The following ST3GAL6 variants were observed in gnomAD, a reference collection of about 807,000 sequenced individuals.
ST3GAL6 encodes the protein type 2 lactosamine alpha-2,3-sialyltransferase.
Under a neutral mutation model 40.5 loss-of-function variants are expected in ST3GAL6, and 31 were observed. The observed-to-expected ratio is 0.77, with a 90% CI of 0.58 to 1.03. ST3GAL6 has a LOEUF of 1.03. Ranked by LOEUF, ST3GAL6 falls within the 50% of genes least tolerant of loss-of-function variation. The pLI is 0.00. For synonymous variants in ST3GAL6, 129 were observed against 136.9 expected, an observed-to-expected ratio of 0.94 and a Z score of 0.40; for missense variants, 357 against 393.2, an observed-to-expected ratio of 0.91 and a Z score of 0.78.
upstream of ST3GAL6, among the ~76,000 whole-genome samples, chr3:98,759,544 G>T (rs1055996199): frequency 6.6e-6 from 1 of 152,094 alleles, no homozygotes; most frequent in African/African-American, 2.4e-5. Flanking sequence ...AGGGGAACCC[G>T]TGTAAAATGT....
chr3:98,763,187 T>C, upstream of ST3GAL6: 4 of 1,200,688 alleles, frequency 3.3e-6, no homozygotes, highest in Non-Finnish European at 4.2e-6. Context: ...TAGACATTAA[T>C]GCATGGCTAG....
chr3:98,789,475 C>T (rs776812867), intron 8 of ST3GAL6, among the ~76,000 whole-genome samples: 15 of 152,068 alleles, frequency 9.9e-5, no homozygotes, highest in Non-Finnish European at 1.9e-4. Flanking sequence ...TATGATTATA[C>T]CATAGGTATT....
Position 98,768,542 on chromosome 3 carries a change from T to C in ST3GAL6, c.89+13T>C. 1 of 1,582,854 alleles carries C rather than the reference T, an allele frequency of 6.3e-7. No homozygotes were observed. Among genetic ancestry groups the C allele is most frequent in the Non-Finnish European group, 8.7e-7 (1 of 1,152,218 alleles). On this transcript the variant is annotated intron_variant, in intron 2 of 9. Transcript: ENST00000483910. Reference sequence around the variant, plus strand: ...CGAATGTCTATTGGTAAGTTTCATTTTGTTATTTAAAAATAACTCTCAACC... The same window carrying C: ...CGAATGTCTATTGGTAAGTTTCATTCTGTTATTTAAAAATAACTCTCAACC...
At chr3:98,750,542 C>T (rs573131166) in intron 1 of ST3GAL6, among the ~76,000 whole-genome samples, 3 of 151,824 alleles carry the variant, frequency 2.0e-5, no homozygotes, top group African/African-American at 7.2e-5. Context: ...GCAGGGGCTT[C>T]AGACTAGCAG....
At chr3:98,793,624 A>C in intron 9 of ST3GAL6, 51 bp from the exon 10 acceptor site, 1 of 1,248,714 alleles carries the variant, frequency 8.0e-7, no homozygotes, top group Non-Finnish European at 1.1e-6. Flanking sequence ...TGGTGCTGCT[A>C]ATACTTTGAG....
intron 5 of ST3GAL6, among the ~76,000 whole-genome samples, chr3:98,776,316 G>T (rs1185648115): frequency 2.0e-5 from 3 of 152,226 alleles, no homozygotes; most frequent in Non-Finnish European, 4.4e-5. Context: ...CTGCCTCTGA[G>T]TCAACTTAGT....
chr3:98,736,680 C>G (rs1289463637), intron 1 of ST3GAL6, among the ~76,000 whole-genome samples: 1 of 152,160 alleles, frequency 6.6e-6, no homozygotes, highest in Non-Finnish European at 1.5e-5. Flanking sequence ...TGAATGTCCA[C>G]CATGTAACAA....
At chr3:98,776,267 A>G (rs1158555000) in intron 5 of ST3GAL6, among the ~76,000 whole-genome samples, 1 of 152,234 alleles carries the variant, frequency 6.6e-6, no homozygotes, top group African/African-American at 2.4e-5. Context: ...CATTTTTAGT[A>G]AACTCCAGAA....
At chr3:98,782,823 C>T in intron 5 of ST3GAL6, 1 of 505,296 alleles carries the variant, frequency 2.0e-6, no homozygotes, top group Non-Finnish European at 4.0e-6. Flanking sequence ...TTGAATGAAC[C>T]CCTGAAACAG....
chr3:98,771,280 A>C, intron 3 of ST3GAL6: 2 of 644,458 alleles, frequency 3.1e-6, no homozygotes, highest in South Asian at 1.9e-5. Flanking sequence ...CTCTCATGTT[A>C]TTTTCCACCC....
At chr3:98,752,654 G>A (rs1163155063) in intron 1 of ST3GAL6, among the ~76,000 whole-genome samples, 1 of 151,986 alleles carries the variant, frequency 6.6e-6, no homozygotes, top group Non-Finnish European at 1.5e-5. Context: ...TGTATTTTTA[G>A]TAGAGACGGG....
At chr3:98,749,475 T>G (rs916048849) in intron 1 of ST3GAL6, among the ~76,000 whole-genome samples, 2 of 152,138 alleles carry the variant, frequency 1.3e-5, no homozygotes, top group Non-Finnish European at 2.9e-5. Context: ...TGTTCACCCT[T>G]AAGCTAACTC....
intron 1 of ST3GAL6, among the ~76,000 whole-genome samples, chr3:98,736,724 C>G (rs971973596): frequency 2.6e-5 from 4 of 152,042 alleles, no homozygotes; most frequent in Non-Finnish European, 4.4e-5. Context: ...GGGAGCGTGC[C>G]GTGTTGGACA....
chr3:98,764,350 G>A (rs367715800), intron 1 of ST3GAL6, among the ~76,000 whole-genome samples: 10 of 152,046 alleles, frequency 6.6e-5, no homozygotes, highest in African/African-American at 1.7e-4. Context: ...GTGTTTCTCC[G>A]TAGAGTTTGT....
At chr3:98,752,596 C>G (rs922845250) in intron 1 of ST3GAL6, among the ~76,000 whole-genome samples, 2 of 152,076 alleles carry the variant, frequency 1.3e-5, no homozygotes, top group Non-Finnish European at 2.9e-5. Context: ...CTCAGCCTCG[C>G]GAGTAGCTGG....
chr3:98,782,189 T>C, intron 5 of ST3GAL6: 2 of 689,292 alleles, frequency 2.9e-6, no homozygotes, highest in South Asian at 1.5e-5. Flanking sequence ...TCTAGAGTTA[T>C]GTTACTTTCT....
chr3:98,783,395 C>T (rs2107302674), intron 5 of ST3GAL6: 1 of 214,600 alleles, frequency 4.7e-6, no homozygotes, highest in Admixed American at 6.5e-5. Flanking sequence ...GGTGCCCGCC[C>T]ACTTTTACAA....
intron 1 of ST3GAL6, among the ~76,000 whole-genome samples, chr3:98,739,919 T>C (rs1935917970): frequency 6.6e-6 from 1 of 152,120 alleles, no homozygotes; most frequent in Non-Finnish European, 1.5e-5. Flanking sequence ...ATTTATAATC[T>C]TATTTAATTG....
intron 1 of ST3GAL6, among the ~76,000 whole-genome samples, chr3:98,764,948 CAGTCT>C (rs1378969303): frequency 3.9e-5 from 6 of 152,152 alleles, no homozygotes; most frequent in African/African-American, 1.4e-4. Flanking sequence ...GTATCTGTTA[CAGTCT>C]CTGTATTTCA....
Sources: allele counts gnomAD v4.1 joint callset (sites outside exome capture counted in the v4.1 genomes callset), GRCh38; gene constraint gnomAD v4.1.1; transcripts MANE v1.5; gene names NCBI Gene and HGNC (gene_info 2026-07-23, HGNC 2026-07-21).